SLC44A5: variants seen among roughly 807,000 people sequenced by gnomAD.
The protein encoded by SLC44A5 is choline transporter-like protein 5.
SLC44A5 carries 57 observed loss-of-function variants against 101.8 expected under a neutral mutation model. That is an observed-to-expected ratio of 0.56 (90% CI 0.45 to 0.70). SLC44A5 has a LOEUF of 0.70. Among genes scored for constraint, SLC44A5 ranks in the 30% least tolerant of loss-of-function variants. SLC44A5 has a pLI of 0.00. For missense variants in SLC44A5, 737 were observed against 853.1 expected (o/e 0.86, Z 1.70); for synonymous variants, 281 against 290.9 (o/e 0.97, Z 0.35).
At chr1:75,470,139 G>C (rs1667027352) in intron 2 of SLC44A5, among the ~76,000 whole-genome samples, 1 of 152,084 alleles carries the variant, frequency 6.6e-6, no homozygotes, top group Non-Finnish European at 1.5e-5. Context: ...AAAGATAAGA[G>C]CTTTTCATAA....
At chr1:75,714,188 C>A in the SLC44A5 span, among the ~76,000 whole-genome samples, 2 of 152,134 alleles carry the variant, frequency 1.3e-5, no homozygotes, top group Non-Finnish European at 2.9e-5. Flanking sequence ...CCACCAGGAT[C>A]AAGTAGGCTT....
At chr1:75,468,994 T>C (rs745875085) in intron 2 of SLC44A5, among the ~76,000 whole-genome samples, 6 of 152,150 alleles carry the variant, frequency 3.9e-5, no homozygotes, top group Non-Finnish European at 8.8e-5. Context: ...ATTAAAAATG[T>C]ATATATATTG....
intron 1 of SLC44A5, among the ~76,000 whole-genome samples, chr1:75,592,186 T>C (rs1054905176): frequency 3.9e-5 from 6 of 152,068 alleles, no homozygotes; most frequent in Admixed American, 6.6e-5. Flanking sequence ...AGTTGCAGGA[T>C]ACAAAATTAA....
At position 75,396,587 on chromosome 1, in the gene SLC44A5, G is replaced by A. The variant is rs548445844; in HGVS notation, c.48C>T (p.Asp16=). 1.9e-5 allele frequency: 31 copies of A among 1,612,198 alleles called. 2 individuals carry two copies. The South Asian group carries it at 3.1e-4, about 16-fold the overall frequency. ...KPADTPSEEE[D]FGDPRTYDPD... ...AATACTCAGACTATGACTTACCAAAGTCCTCTTCCTCAGAGGGAGTATCTG... is the reference window on the plus strand; with the variant it reads ...AATACTCAGACTATGACTTACCAAAATCCTCTTCCTCAGAGGGAGTATCTG... The change falls in exon 3 of 24, where the codon GAC becomes GAT. Residue 16 remains aspartate, a synonymous_variant. Transcript: ENST00000370859.
At chr1:75,702,916 T>C in the SLC44A5 span, among the ~76,000 whole-genome samples, 2 of 152,138 alleles carry the variant, frequency 1.3e-5, no homozygotes, top group African/African-American at 4.8e-5. Context: ...AAAATGCGCA[T>C]CATCACTGGC....
rs555701249 is a variant in SLC44A5 at position 75,538,595 on chromosome 1, T to G, written c.13+2840A>C. Among the ~76,000 whole-genome samples the G allele has an allele frequency of 2.6e-5, 4 of 152,294 alleles. No homozygotes were observed. In the South Asian group the frequency reaches 8.3e-4, roughly 32 times the overall value. On this transcript the variant is annotated intron_variant, in intron 2 of 23. Transcript: ENST00000370859. ...AACCTTAGTGTGCTTTTAGACATAC[T>G]ATAAAGGCTTCTTTTCGATTACAGA...
At chr1:75,371,943 T>C (rs1172408656) in intron 3 of SLC44A5, among the ~76,000 whole-genome samples, 1 of 152,146 alleles carries the variant, frequency 6.6e-6, no homozygotes, top group African/African-American at 2.4e-5. Flanking sequence ...AAGCCCGTAA[T>C]CCCAGCACTT....
At chr1:75,321,450 CAGAG>C (rs58617518) in intron 4 of SLC44A5, among the ~76,000 whole-genome samples, 8,094 of 145,986 alleles carry the variant, frequency 0.055, 758 homozygotes, top group African/African-American at 0.19. Context: ...TGTTATATGG[CAGAG>C]AGAGAGAGAG....
At chr1:75,372,045 A>T (rs1415372595) in intron 3 of SLC44A5, among the ~76,000 whole-genome samples, 2 of 152,070 alleles carry the variant, frequency 1.3e-5, no homozygotes, top group Non-Finnish European at 2.9e-5. Flanking sequence ...AAAAATACAA[A>T]CATTAGCCGG....
At chr1:75,449,899 G>A (rs571051403) in intron 2 of SLC44A5, among the ~76,000 whole-genome samples, 68 of 152,182 alleles carry the variant, frequency 4.5e-4, no homozygotes, top group African/African-American at 1.6e-3. Context: ...TACTCAGGAG[G>A]CTGAGGCAGG....
rs757712834 is a variant in SLC44A5, at chr1:75,368,683, T to C, written c.52+27900A>G. On this transcript the variant is annotated intron_variant, in intron 3 of 23. Transcript: ENST00000370859. ...CACACACACACACACCACACTCAAA[T>C]TGGTATTCTGAATGCTCCAAATCAA... 7.2e-4 allele frequency among the ~76,000 whole-genome samples: 109 copies of C among 150,422 alleles called. 1 individual carries two copies. Among genetic ancestry groups the C allele is most frequent in the Admixed American group, 1.9e-3 (29 of 15,098 alleles).
chr1:75,251,504 A>G (rs755463992), intron 6 of SLC44A5, among the ~76,000 whole-genome samples: 2 of 152,120 alleles, frequency 1.3e-5, no homozygotes, highest in Non-Finnish European at 2.9e-5. Flanking sequence ...CTATCCATCA[A>G]CAGGAGATTG....
At chr1:75,624,685 G>A in the SLC44A5 span, among the ~76,000 whole-genome samples, 1 of 152,042 alleles carries the variant, frequency 6.6e-6, no homozygotes, top group Non-Finnish European at 1.5e-5. Flanking sequence ...TTGAAAATGA[G>A]AGCTAAACTT....
At chr1:75,254,169 G>C (rs574574867) in intron 6 of SLC44A5, among the ~76,000 whole-genome samples, 2 of 152,124 alleles carry the variant, frequency 1.3e-5, no homozygotes, top group East Asian at 3.9e-4. Flanking sequence ...CTTCTGAGTA[G>C]ATGGGATTAC....
chr1:75,332,991 G>A (rs1657162969), intron 4 of SLC44A5, among the ~76,000 whole-genome samples: 1 of 151,940 alleles, frequency 6.6e-6, no homozygotes, highest in South Asian at 2.1e-4. Flanking sequence ...AATTGTATAG[G>A]AGACTTAAAT....
chr1:75,691,227 A>G, the SLC44A5 span, among the ~76,000 whole-genome samples: 12 of 152,308 alleles, frequency 7.9e-5, no homozygotes, highest in African/African-American at 2.9e-4. Flanking sequence ...CTAGCCTGAG[A>G]GGAAAACTCA....
chr1:75,581,028 C>A (rs1447005514), intron 1 of SLC44A5, among the ~76,000 whole-genome samples: 1 of 152,020 alleles, frequency 6.6e-6, no homozygotes, highest in African/African-American at 2.4e-5. Context: ...AAACACAAGT[C>A]AGAAAGTCAG....
At chr1:75,502,754 T>C (rs958493619) in intron 2 of SLC44A5, among the ~76,000 whole-genome samples, 1 of 147,260 alleles carries the variant, frequency 6.8e-6, no homozygotes, top group Non-Finnish European at 1.5e-5. Context: ...AAATTTATAT[T>C]CTTTTCACCT....
At chr1:75,683,306 C>T in the SLC44A5 span, among the ~76,000 whole-genome samples, 57 of 152,204 alleles carry the variant, frequency 3.7e-4, no homozygotes, top group Middle Eastern at 6.8e-3. Context: ...CACATGCATA[C>T]GTATGTTTAT....
Sources: allele counts gnomAD v4.1 joint callset (sites outside exome capture counted in the v4.1 genomes callset), GRCh38; gene constraint gnomAD v4.1.1; transcripts MANE v1.5; gene names NCBI Gene and HGNC (gene_info 2026-07-23, HGNC 2026-07-21).